Variants in DIRAS2 observed in about 807,000 individuals in gnomAD.
DIRAS2 encodes GTP-binding protein Di-Ras2.
DIRAS2 carries 5 observed loss-of-function variants against 13.9 expected under a neutral mutation model. The ratio of observed to expected loss-of-function variants is 0.36; its 90% confidence interval spans 0.19 to 0.76. DIRAS2 has a LOEUF of 0.76. Among genes scored for constraint, DIRAS2 ranks in the 30% least tolerant of loss-of-function variants. The pLI is 0.53. For synonymous variants in DIRAS2, 111 were observed against 105.4 expected, an observed-to-expected ratio of 1.05 and a Z score of -0.33; for missense variants, 191 against 263.0, an observed-to-expected ratio of 0.73 and a Z score of 1.89.
At chr9:90,620,220 G>C (rs690236) in intron 1 of DIRAS2, among the ~76,000 whole-genome samples, 98,648 of 152,040 alleles carry the variant, frequency 0.65, 33,244 homozygotes, top group Middle Eastern at 0.78. Context: ...AAACAGACAT[G>C]AGGAGGGCCA....
At chr9:90,626,441 TA>T (rs35821705) in intron 1 of DIRAS2, among the ~76,000 whole-genome samples, 26,940 of 134,836 alleles carry the variant, frequency 0.2, 3,125 homozygotes, top group Non-Finnish European at 0.28. Context: ...CCCCATTTCT[TA>T]AAAAAAAAAA....
At chr9:90,623,449 C>T (rs1444771344) in intron 1 of DIRAS2, among the ~76,000 whole-genome samples, 1 of 151,474 alleles carries the variant, frequency 6.6e-6, no homozygotes, top group Admixed American at 6.6e-5. Flanking sequence ...ACATAGACAG[C>T]TAGAGGAAGG....
At chr9:90,626,159 G>T (rs1192661615) in intron 1 of DIRAS2, 2 of 149,542 alleles carry the variant, frequency 1.3e-5, no homozygotes, top group Admixed American at 6.7e-5. Flanking sequence ...CTCCAGCCTG[G>T]GTGACAGCAC....
At chr9:90,623,485 T>C (rs532448349) in intron 1 of DIRAS2, among the ~76,000 whole-genome samples, 4 of 150,774 alleles carry the variant, frequency 2.7e-5, no homozygotes, top group Non-Finnish European at 1.5e-5. Context: ...TAAAAAAAAA[T>C]CCATCCCAAA....
intron 1 of DIRAS2, among the ~76,000 whole-genome samples, chr9:90,624,172 T>G (rs1464021888): frequency 6.6e-6 from 1 of 152,228 alleles, no homozygotes; most frequent in South Asian, 2.1e-4. Flanking sequence ...AGGTGAATAA[T>G]GGTCATTAAG....
In DIRAS2 at chr9:90,621,550, CA is replaced by C. The variant is rs1018170855; in HGVS notation, c.-36-7688del. On this transcript the variant is annotated intron_variant, in intron 1 of 1. Transcript: ENST00000375765. The stretch of plus-strand genomic sequence containing the variant: ...TTTTTTATAAAAGTACACTTTAAAA[CA>C]AAAAAAAATTGACACAATGTATGTA... 6.0e-5 allele frequency among the ~76,000 whole-genome samples: 9 copies of C among 150,556 alleles called. 1 individual carries two copies. Among genetic ancestry groups the C allele is most frequent in the Admixed American group, 3.3e-4 (5 of 15,152 alleles).
At position 90,613,740 on chromosome 9, in the gene DIRAS2, C is replaced by T; in HGVS notation, c.88G>A (p.Gly30Ser). The T allele has an allele frequency of 6.2e-7, 1 of 1,614,164 alleles. No homozygotes were observed. The highest frequency in any genetic ancestry group is 8.5e-7 in the Non-Finnish European group (1 of 1,180,038). ...GGGATGTAGCTCTCCCGGAATGTGC[C>T]TTTCACAAACCTCAACACCAGGGAG... ...KSSLVLRFVKGTFRESYIPTV... is the reference protein window; with the variant it reads ...KSSLVLRFVKSTFRESYIPTV... The change falls in exon 2 of 2, where the codon GGC becomes AGC. Residue 30 changes from glycine (G) to serine (S), a missense_variant. By Grantham distance (56) the Gly-to-Ser change is moderately conservative. Transcript: ENST00000375765. This position sits in a 1 kb window ranked among gnomAD's most constrained non-coding sequence, Gnocchi z 5.6.
At chr9:90,619,148 A>G (rs1411406573) in intron 1 of DIRAS2, among the ~76,000 whole-genome samples, 1 of 152,078 alleles carries the variant, frequency 6.6e-6, no homozygotes, top group Non-Finnish European at 1.5e-5. Flanking sequence ...ATCTCAAAAA[A>G]CAAAACAAAG....
intron 1 of DIRAS2, among the ~76,000 whole-genome samples, chr9:90,629,383 TTTC>T (rs1825303145): frequency 6.6e-6 from 1 of 152,166 alleles, no homozygotes; most frequent in Admixed American, 6.5e-5. Flanking sequence ...CTTTTGAGGT[TTTC>T]TATTAATAGT....
rs1158895997 is a variant in DIRAS2 at position 90,611,656 on chromosome 9, T to C, written c.*1572A>G. On this transcript the variant is annotated 3_prime_UTR_variant, in exon 2 of 2. Coordinates refer to ENST00000375765, the MANE Select transcript of DIRAS2 (RefSeq NM_017594.5). ...GGTCAAACATCCCCAACTTAAGCCC[T>C]CCCTGTGCTGACACTGCCACCCAAC... is the stretch of plus-strand genomic sequence containing the variant. The C allele has an allele frequency of 2.0e-5, 3 of 152,248 alleles. No homozygotes were observed. Among genetic ancestry groups the C allele is most frequent in the African/African-American group, 7.2e-5 (3 of 41,420 alleles). The allele number at this position is 152,248 out of a possible 1,614,324, so 9.4% of individuals were successfully genotyped here. A position where few individuals can be genotyped will look rare whatever the true frequency, so the allele number is the denominator to read the frequency against.
In DIRAS2 at chr9:90,613,223, G is replaced by T; in HGVS notation, c.*5C>A. 1 of 1,606,308 alleles carries T rather than the reference G, an allele frequency of 6.2e-7. No individual in the cohort carries two copies. Among genetic ancestry groups the T allele is most frequent in the Non-Finnish European group, 8.5e-7 (1 of 1,175,652 alleles). ...ACACAGCTGCTCCTCCCGCAGGAAG[G>T]GCCTTCACATGATCACGCACTTGCC... On this transcript the variant is annotated 3_prime_UTR_variant, in exon 2 of 2. Transcript: ENST00000375765. The surrounding 1 kb of genome is among the most constrained non-coding windows in gnomAD (Gnocchi z 5.6).
chr9:90,638,772 T>A (rs536413014), intron 1 of DIRAS2, among the ~76,000 whole-genome samples: 190 of 151,944 alleles, frequency 1.3e-3, no homozygotes, highest in Non-Finnish European at 2.4e-3. Context: ...GAGAGCTGAG[T>A]GGACTCCACC....
At chr9:90,636,186 C>A (rs575415602) in intron 1 of DIRAS2, among the ~76,000 whole-genome samples, 1 of 151,684 alleles carries the variant, frequency 6.6e-6, no homozygotes, top group South Asian at 2.1e-4. Context: ...TACAGGCGCC[C>A]GCCACCACAC....
chr9:90,614,306 A>ATGTGTGTGTGTGTG (rs34548591), intron 1 of DIRAS2, among the ~76,000 whole-genome samples: 78 of 134,916 alleles, frequency 5.8e-4, no homozygotes, highest in Middle Eastern at 3.5e-3. Context: ...GGTCATCATA[A>ATGTGTGTGTGTGTG]TGTGTGTGTG....
intron 1 of DIRAS2, among the ~76,000 whole-genome samples, chr9:90,622,243 C>A (rs1195078680): frequency 6.6e-6 from 1 of 151,896 alleles, no homozygotes; most frequent in Admixed American, 6.6e-5. Context: ...CAGAGCAAGA[C>A]CCTGTCTCAA....
intron 1 of DIRAS2, among the ~76,000 whole-genome samples, chr9:90,629,183 C>CT (rs1442831970): frequency 6.6e-6 from 1 of 152,188 alleles, no homozygotes; most frequent in African/African-American, 2.4e-5. Context: ...TTAATTTCAT[C>CT]TTTTTACTTT....
chr9:90,613,566 T>C lies in DIRAS2; in HGVS notation c.262A>G (p.Ile88Val), dbSNP rs141028232. 18 of 1,614,034 alleles carry C rather than the reference T, an allele frequency of 1.1e-5. No homozygotes were observed. The African/African-American group carries it at 1.6e-4, about 14-fold the overall frequency. The change falls in exon 2 of 2, where the codon ATT becomes GTT. Residue 88 changes from isoleucine to valine, a missense_variant. Coordinates refer to ENST00000375765, the MANE Select transcript of DIRAS2 (RefSeq NM_017594.5). This position sits in a 1 kb window ranked among gnomAD's most constrained non-coding sequence, Gnocchi z 5.6. ...KGHAFILVYSITSRQSLEELK... is the reference protein window; with the variant it reads ...KGHAFILVYSVTSRQSLEELK... ...TCCTCCAAGGACTGTCGGCTGGTAA[T>C]GGAGTACACCAGGATGAAGGCGTGC...
At position 90,613,506 on chromosome 9, in the gene DIRAS2, T is replaced by C. The variant is rs1825136815; in HGVS notation, c.322A>G (p.Lys108Glu). Residue 108 changes from lysine (K) to glutamate (E), a missense_variant, in exon 2 of 2, where the codon AAA (lysine) becomes GAA (glutamate). By Grantham distance (56) the Lys-to-Glu change is moderately conservative. Transcript: ENST00000375765. The surrounding 1 kb of genome is among the most constrained non-coding windows in gnomAD (Gnocchi z 5.6). ...KPIYEQICEI[K>E]GDVESIPIML... ...ATGGGGATGCTCTCCACGTCCCCTT[T>C]GATCTCGCAGATTTGTTCGTAGATG... 1 of 1,614,024 alleles carries C rather than the reference T, an allele frequency of 6.2e-7. No homozygotes were observed. Among genetic ancestry groups the C allele is most frequent in the Non-Finnish European group, 8.5e-7 (1 of 1,180,040 alleles).
chr9:90,639,340 G>A (rs1269814910), intron 1 of DIRAS2, among the ~76,000 whole-genome samples: 1 of 152,154 alleles, frequency 6.6e-6, no homozygotes, highest in African/African-American at 2.4e-5. Flanking sequence ...TTATCTAATG[G>A]TGTCAAATAG....
Sources: allele counts gnomAD v4.1 joint callset (sites outside exome capture counted in the v4.1 genomes callset), GRCh38; gene constraint gnomAD v4.1.1; non-coding constraint Gnocchi (gnomAD v3.1); transcripts MANE v1.5; gene names NCBI Gene and HGNC (gene_info 2026-07-23, HGNC 2026-07-21).